LUZP2: variants seen among roughly 807,000 people sequenced by gnomAD.
LUZP2 encodes leucine zipper protein 2.
LUZP2 carries 52 observed loss-of-function variants against 51.6 expected under a neutral mutation model. The ratio of observed to expected loss-of-function variants is 1.01; its 90% confidence interval spans 0.81 to 1.27. LUZP2 has a LOEUF of 1.27. LUZP2 is among the 50% of genes most tolerant of loss of function. The pLI is 0.00. For missense variants in LUZP2, 436 were observed against 395.4 expected (o/e 1.10, Z -0.87); for synonymous variants, 154 against 137.3 (o/e 1.12, Z -0.85).
At chr11:24,734,173 C>A (rs980763874) in intron 3 of LUZP2, among the ~76,000 whole-genome samples, 1 of 151,714 alleles carries the variant, frequency 6.6e-6, no homozygotes, top group African/African-American at 2.4e-5. Context: ...TACTTAGAGA[C>A]AAGGACAGGG....
At chr11:24,896,398 G>T (rs7479940) in intron 5 of LUZP2, among the ~76,000 whole-genome samples, 61,490 of 151,980 alleles carry the variant, frequency 0.4, 14,578 homozygotes, top group East Asian at 0.68. Context: ...GCCGGCCGGC[G>T]ATGCCAGCTC....
intron 1 of LUZP2, among the ~76,000 whole-genome samples, chr11:24,502,730 A>G (rs1422897042): frequency 6.6e-6 from 1 of 152,196 alleles, no homozygotes; most frequent in Non-Finnish European, 1.5e-5. Context: ...GGTGAACACC[A>G]TGAAAATCTG....
chr11:24,663,463 A>G (rs971557030), intron 1 of LUZP2, among the ~76,000 whole-genome samples: 1 of 152,158 alleles, frequency 6.6e-6, no homozygotes, highest in Non-Finnish European at 1.5e-5. Context: ...TTCATAAATT[A>G]CCCAGTCTGA....
At chr11:24,699,910 G>A (rs1031237101) in intron 1 of LUZP2, among the ~76,000 whole-genome samples, 1 of 151,438 alleles carries the variant, frequency 6.6e-6, no homozygotes, top group Non-Finnish European at 1.5e-5. Flanking sequence ...TCTGTATGGA[G>A]TAAGAGCCAA....
intron 1 of LUZP2, among the ~76,000 whole-genome samples, chr11:24,697,949 G>A (rs2133902397): frequency 6.6e-6 from 1 of 152,084 alleles, no homozygotes; most frequent in East Asian, 1.9e-4. Context: ...CCACCCAGAA[G>A]CTGACTCAAT....
chr11:25,015,499 C>T (rs1366071032), intron 9 of LUZP2, among the ~76,000 whole-genome samples: 1 of 152,166 alleles, frequency 6.6e-6, no homozygotes, highest in Non-Finnish European at 1.5e-5. Context: ...TTAGTCTCCT[C>T]AGGTCTTTGA....
intron 7 of LUZP2, among the ~76,000 whole-genome samples, chr11:24,954,657 A>T (rs140237346): frequency 3.1e-4 from 47 of 152,200 alleles, no homozygotes; most frequent in Admixed American, 1.1e-3. Context: ...GAGACTGCTT[A>T]ACTGCTTGAA....
In LUZP2 at chr11:24,891,402, A is replaced by G. The variant is rs575468547; in HGVS notation, c.397-14589A>G. On this transcript the variant is annotated intron_variant, in intron 5 of 11. Transcript: ENST00000336930. ...CACTATGTTACATACACCCACATTC[A>G]TTATATCATTATGAAATTAAAGAAC... is the stretch of plus-strand genomic sequence containing the variant. The G allele has an allele frequency of 2.3e-5, 22 of 959,502 alleles. No individual in the cohort carries two copies. In the South Asian group the frequency reaches 1.0e-3, roughly 44 times the overall value. 59.4% of individuals were successfully genotyped at this position (959,502 alleles called of 1,614,324 possible).
At chr11:24,935,569 C>A (rs1590750034) in intron 7 of LUZP2, among the ~76,000 whole-genome samples, 1 of 152,032 alleles carries the variant, frequency 6.6e-6, no homozygotes, top group Non-Finnish European at 1.5e-5. Context: ...GGAATTACTT[C>A]TCAGGGATTT....
intron 10 of LUZP2, among the ~76,000 whole-genome samples, chr11:25,058,543 A>T (rs1858749339): frequency 6.6e-6 from 1 of 152,192 alleles, no homozygotes. Context: ...TCCTTGCTGG[A>T]TGAATGTATT....
At chr11:24,697,073 G>C (rs537260471) in intron 1 of LUZP2, among the ~76,000 whole-genome samples, 3 of 152,116 alleles carry the variant, frequency 2.0e-5, no homozygotes, top group Non-Finnish European at 4.4e-5. Flanking sequence ...AATGATTAAG[G>C]TCTGTTAAGG....
At chr11:24,662,623 T>G (rs1331757894) in intron 1 of LUZP2, among the ~76,000 whole-genome samples, 1 of 151,988 alleles carries the variant, frequency 6.6e-6, no homozygotes, top group Non-Finnish European at 1.5e-5. Context: ...TTACTAATAA[T>G]GAAGAAAAGG....
chr11:24,689,996 A>G (rs1857019139), intron 1 of LUZP2, among the ~76,000 whole-genome samples: 1 of 152,044 alleles, frequency 6.6e-6, no homozygotes, highest in Non-Finnish European at 1.5e-5. Flanking sequence ...GTGTTTAGCT[A>G]TTTTCTTATA....
At chr11:24,874,846 A>G (rs1852194253) in intron 5 of LUZP2, among the ~76,000 whole-genome samples, 1 of 152,118 alleles carries the variant, frequency 6.6e-6, no homozygotes, top group Non-Finnish European at 1.5e-5. Context: ...CAGTTCCTCA[A>G]TTGGGATGAG....
chr11:24,926,729 ACTT>A (rs1014789452), intron 7 of LUZP2, among the ~76,000 whole-genome samples: 7 of 149,534 alleles, frequency 4.7e-5, no homozygotes, highest in Admixed American at 4.0e-4. Context: ...TTGCATAATG[ACTT>A]CTTTTCCTGT....
At chr11:24,696,350 G>T (rs1857246733) in intron 1 of LUZP2, among the ~76,000 whole-genome samples, 1 of 152,016 alleles carries the variant, frequency 6.6e-6, no homozygotes, top group Non-Finnish European at 1.5e-5. Flanking sequence ...ATTAAACAAA[G>T]ATTTATGCTT....
chr11:24,813,164 T>G (rs1013224602), intron 5 of LUZP2, among the ~76,000 whole-genome samples: 26 of 152,178 alleles, frequency 1.7e-4, no homozygotes, highest in Non-Finnish European at 2.9e-5. Flanking sequence ...TCCCATCTGA[T>G]CTCCTGAACA....
intron 1 of LUZP2, among the ~76,000 whole-genome samples, chr11:24,703,743 C>T (rs1055962571): frequency 1.3e-5 from 2 of 151,672 alleles, no homozygotes; most frequent in African/African-American, 2.4e-5. Context: ...GCAGGAGAAT[C>T]GCTTGAACCT....
At chr11:24,648,797 G>A (rs1183287450) in intron 1 of LUZP2, among the ~76,000 whole-genome samples, 1 of 151,932 alleles carries the variant, frequency 6.6e-6, no homozygotes, top group Non-Finnish European at 1.5e-5. Context: ...ACTCAGATGA[G>A]CAGGAAATAT....
Sources: allele counts gnomAD v4.1 joint callset (sites outside exome capture counted in the v4.1 genomes callset), GRCh38; gene constraint gnomAD v4.1.1; transcripts MANE v1.5; gene names NCBI Gene and HGNC (gene_info 2026-07-23, HGNC 2026-07-21).